EDIL3: variants seen among roughly 807,000 people sequenced by gnomAD.
The protein encoded by EDIL3 is EGF-like repeat and discoidin I-like domain-containing protein 3.
Under a neutral mutation model 67.4 loss-of-function variants are expected in EDIL3, and 37 were observed. That is an observed-to-expected ratio of 0.55 (90% CI 0.42 to 0.72). The LOEUF is 0.72. Ranked by LOEUF, EDIL3 falls within the 30% of genes least tolerant of loss-of-function variation. The probability of loss-of-function intolerance (pLI) is 0.00; values close to 1 mark genes in which losing one functional copy is unlikely to be tolerated. For missense variants in EDIL3, 527 were observed against 586.3 expected (o/e 0.90, Z 1.04); for synonymous variants, 195 against 196.3 (o/e 0.99, Z 0.05).
At chr5:84,151,893 T>C (rs1748400719) in intron 4 of EDIL3, among the ~76,000 whole-genome samples, 1 of 151,780 alleles carries the variant, frequency 6.6e-6, no homozygotes, top group African/African-American at 2.4e-5. Context: ...AATTTTCTAG[T>C]TCTCTTTGCT....
At chr5:84,244,213 G>T (rs1580395307) in intron 2 of EDIL3, among the ~76,000 whole-genome samples, 1 of 152,148 alleles carries the variant, frequency 6.6e-6, no homozygotes, top group Non-Finnish European at 1.5e-5. Context: ...ATTTGTATTA[G>T]ATGTTACAGC....
chr5:84,300,954 G>A (rs1349457577), intron 1 of EDIL3, among the ~76,000 whole-genome samples: 3 of 110,116 alleles, frequency 2.7e-5, no homozygotes, highest in African/African-American at 8.6e-5. Flanking sequence ...ACACACACAC[G>A]TCTCATAAAA....
At chr5:84,008,555 C>A (rs1745465844) in intron 9 of EDIL3, among the ~76,000 whole-genome samples, 1 of 151,990 alleles carries the variant, frequency 6.6e-6, no homozygotes, top group African/African-American at 2.4e-5. Flanking sequence ...AGAGGAAAAA[C>A]AGCACTAAAA....
At chr5:84,364,171 G>A (rs1346772523) in intron 1 of EDIL3, among the ~76,000 whole-genome samples, 1 of 152,128 alleles carries the variant, frequency 6.6e-6, no homozygotes, top group Non-Finnish European at 1.5e-5. Context: ...GACAATGTAA[G>A]GCAGTTTTCA....
At chr5:84,321,689 A>T (rs1382863316) in intron 1 of EDIL3, among the ~76,000 whole-genome samples, 1 of 152,128 alleles carries the variant, frequency 6.6e-6, no homozygotes, top group African/African-American at 2.4e-5. Flanking sequence ...AAATATTAGG[A>T]ATCTGTGATC....
chr5:84,246,785 T>C (rs1016722328), intron 2 of EDIL3, among the ~76,000 whole-genome samples: 4 of 152,120 alleles, frequency 2.6e-5, no homozygotes, highest in African/African-American at 7.2e-5. Context: ...CAGCTTGGAA[T>C]TGCAAACTAA....
intron 2 of EDIL3, among the ~76,000 whole-genome samples, chr5:84,237,811 T>C (rs1744709444): frequency 6.6e-6 from 1 of 152,166 alleles, no homozygotes; most frequent in South Asian, 2.1e-4. Context: ...TATTGGATGA[T>C]ATTATATTTC....
At chr5:84,020,919 C>T (rs1175635913) in intron 9 of EDIL3, among the ~76,000 whole-genome samples, 1 of 151,958 alleles carries the variant, frequency 6.6e-6, no homozygotes, top group Non-Finnish European at 1.5e-5. Flanking sequence ...TTATATGCAT[C>T]TTTCAAAAGA....
intron 5 of EDIL3, among the ~76,000 whole-genome samples, chr5:84,107,639 T>G (rs2112284492): frequency 6.6e-6 from 1 of 151,352 alleles, no homozygotes; most frequent in East Asian, 1.9e-4. Context: ...AATTTTAAAA[T>G]ACTAAGATTA....
intron 9 of EDIL3, chr5:84,048,210 A>C (rs1746259403): frequency 2.3e-6 from 1 of 427,726 alleles, no homozygotes; most frequent in African/African-American, 2.1e-5. Context: ...AATCCTTCAT[A>C]TTGACAAATG....
Position 84,244,522 on chromosome 5 carries a change from C to T in EDIL3, c.196+9562G>A, listed in dbSNP as rs186451529. ...CAGGCTGGTCTTAAACCCCTGAACT[C>T]AAGTGAACTGCCCGCCTTGGTCTCC... is the stretch of plus-strand genomic sequence containing the variant. On this transcript the variant is annotated intron_variant, in intron 2 of 10. Coordinates refer to ENST00000296591, the MANE Select transcript of EDIL3 (RefSeq NM_005711.5). Among the ~76,000 whole-genome samples the T allele has an allele frequency of 2.4e-3, 366 of 151,690 alleles. 2 individuals carry two copies. Among genetic ancestry groups the T allele is most frequent in the Admixed American group, 5.5e-3 (84 of 15,250 alleles).
At chr5:84,017,783 A>C (rs892909117) in intron 9 of EDIL3, among the ~76,000 whole-genome samples, 1 of 152,118 alleles carries the variant, frequency 6.6e-6, no homozygotes, top group Non-Finnish European at 1.5e-5. Context: ...TTATTCTGTC[A>C]TCTGTTAATA....
intron 1 of EDIL3, among the ~76,000 whole-genome samples, chr5:84,314,211 AG>A (rs1260102722): frequency 2.0e-5 from 3 of 152,158 alleles, no homozygotes; most frequent in Admixed American, 2.0e-4. Context: ...AAAGAAAAAA[AG>A]AAAGAAAGAA....
chr5:83,978,517 G>A (rs529403335), intron 9 of EDIL3, among the ~76,000 whole-genome samples: 72 of 151,998 alleles, frequency 4.7e-4, no homozygotes, highest in African/African-American at 1.7e-3. Context: ...GAAAAAATGA[G>A]GGACCAGGAA....
At chr5:84,194,156 G>A (rs889910813) in intron 3 of EDIL3, among the ~76,000 whole-genome samples, 6 of 151,872 alleles carry the variant, frequency 4.0e-5, no homozygotes, top group African/African-American at 1.2e-4. Context: ...CAAAATGAAG[G>A]AAAGACAGTA....
intron 2 of EDIL3, among the ~76,000 whole-genome samples, chr5:84,249,962 T>C (rs569074256): frequency 6.6e-6 from 1 of 152,020 alleles, no homozygotes; most frequent in African/African-American, 2.4e-5. Flanking sequence ...GAGAGAGAGA[T>C]AATAGAAAAT....
chr5:84,180,711 C>A (rs578156731), intron 3 of EDIL3, among the ~76,000 whole-genome samples, 190 bp from the exon 4 acceptor site: 10 of 152,142 alleles, frequency 6.6e-5, no homozygotes, highest in Non-Finnish European at 1.2e-4. Context: ...ACTTCACAGG[C>A]GTGCAGTCTT....
intron 1 of EDIL3, among the ~76,000 whole-genome samples, chr5:84,292,094 A>C (rs1282373877): frequency 6.6e-6 from 1 of 152,086 alleles, no homozygotes; most frequent in Non-Finnish European, 1.5e-5. Context: ...AAAGTTAAAT[A>C]AAATTACAAT....
intron 9 of EDIL3, among the ~76,000 whole-genome samples, chr5:83,976,241 G>T (rs1744875018): frequency 6.6e-6 from 1 of 151,820 alleles, no homozygotes; most frequent in Non-Finnish European, 1.5e-5. Context: ...AATGACATAA[G>T]TTGTCATGTT....
Sources: allele counts gnomAD v4.1 joint callset (sites outside exome capture counted in the v4.1 genomes callset), GRCh38; gene constraint gnomAD v4.1.1; transcripts MANE v1.5; gene names NCBI Gene and HGNC (gene_info 2026-07-23, HGNC 2026-07-21).